Variants in THSD7A observed in about 807,000 individuals in gnomAD.
The protein encoded by THSD7A is thrombospondin type 1 domain containing 7A.
Under a neutral mutation model 231.3 loss-of-function variants are expected in THSD7A, and 96 were observed. The observed-to-expected ratio is 0.41, with a 90% confidence interval of 0.35 to 0.49. The LOEUF is 0.49. Ranked by LOEUF, THSD7A falls within the 20% of genes least tolerant of loss-of-function variation. The pLI is 0.05. For missense variants in THSD7A, 2,290 were observed against 2,070.2 expected, an observed-to-expected ratio of 1.11 and a Z score of -2.06; for synonymous variants, 940 against 743.3, an observed-to-expected ratio of 1.26 and a Z score of -4.30.
intron 1 of THSD7A, among the ~76,000 whole-genome samples, chr7:11,704,926 G>A (rs930592900): frequency 6.6e-6 from 1 of 151,082 alleles, no homozygotes; most frequent in African/African-American, 2.4e-5. Context: ...CCAAAAATAA[G>A]TGTACCATCA....
chr7:11,782,157 C>T (rs1213560158), intron 1 of THSD7A, among the ~76,000 whole-genome samples: 1 of 152,070 alleles, frequency 6.6e-6, no homozygotes, highest in African/African-American at 2.4e-5. Context: ...ATTTATTCAA[C>T]AAGTAGGTAT....
intron 4 of THSD7A, among the ~76,000 whole-genome samples, chr7:11,568,989 A>AT (rs1361117043): frequency 1.3e-5 from 2 of 150,326 alleles, no homozygotes; most frequent in Admixed American, 6.6e-5. Flanking sequence ...ATAGCTACAA[A>AT]AAAAAAAACA....
At chr7:11,823,762 T>C (rs1784941427) in intron 1 of THSD7A, among the ~76,000 whole-genome samples, 1 of 152,060 alleles carries the variant, frequency 6.6e-6, no homozygotes, top group South Asian at 2.1e-4. Flanking sequence ...TAGATCATTA[T>C]TGGTATATAT....
Position 11,800,012 on chromosome 7 carries a change from C to G in THSD7A, c.190+31745G>C, listed in dbSNP as rs189758320. ...TGTTCTTTCTTTGAGATAGGAAAAC[C>G]CTTAAAAGGTGGTTAACTGAACCAG... On this transcript the variant is annotated intron_variant, in intron 1 of 27. Coordinates refer to ENST00000423059, the MANE Select transcript of THSD7A (RefSeq NM_015204.3). Among the ~76,000 whole-genome samples the G allele has an allele frequency of 2.0e-3, 297 of 152,128 alleles. 1 individual carries two copies. The highest frequency in any genetic ancestry group is 7.0e-3 in the African/African-American group (290 of 41,512).
intron 7 of THSD7A, among the ~76,000 whole-genome samples, chr7:11,477,120 A>T (rs575370785): frequency 6.6e-6 from 1 of 152,288 alleles, no homozygotes; most frequent in East Asian, 1.9e-4. Flanking sequence ...AAGTTTGCCA[A>T]CTGTCCCAAA....
intron 1 of THSD7A, chr7:11,820,323 G>C (rs766856505): frequency 1.8e-5 from 14 of 769,380 alleles, no homozygotes; most frequent in Non-Finnish European, 2.6e-5. Flanking sequence ...GACCCTACTC[G>C]GTTGTGGGCT....
At chr7:11,426,622 AAAG>A in intron 15 of THSD7A, 41 bp downstream of exon 15, 1 of 1,521,562 alleles carries the variant, frequency 6.6e-7, no homozygotes, top group Non-Finnish European at 8.8e-7. Context: ...AAATTTAAGA[AAAG>A]AAGGATTCTA....
intron 6 of THSD7A, among the ~76,000 whole-genome samples, chr7:11,537,436 G>A (rs73286898): frequency 0.023 from 3,564 of 152,232 alleles, 130 homozygotes; most frequent in African/African-American, 0.081. Context: ...TCTCCTTGGT[G>A]CTGGCCTTAT....
chr7:11,535,792 C>G (rs998291216), intron 6 of THSD7A, among the ~76,000 whole-genome samples: 1 of 152,110 alleles, frequency 6.6e-6, no homozygotes, highest in East Asian at 1.9e-4. Context: ...TGAAGTTGTG[C>G]TCTCATCTAG....
intron 1 of THSD7A, among the ~76,000 whole-genome samples, chr7:11,819,533 C>T (rs970233875): frequency 2.6e-5 from 4 of 152,154 alleles, no homozygotes; most frequent in Non-Finnish European, 5.9e-5. Context: ...AAAACTTAAA[C>T]ACTTACTGCT....
intron 1 of THSD7A, among the ~76,000 whole-genome samples, chr7:11,737,055 C>G (rs1781941116): frequency 6.6e-6 from 1 of 152,020 alleles, no homozygotes; most frequent in Non-Finnish European, 1.5e-5. Context: ...TGTAAGTTTC[C>G]TGAGGCCTCC....
chr7:11,516,549 G>A (rs1441857217), intron 6 of THSD7A, among the ~76,000 whole-genome samples: 2 of 152,180 alleles, frequency 1.3e-5, no homozygotes, highest in Non-Finnish European at 2.9e-5. Context: ...AGATGACCTT[G>A]TTTGTACAGC....
intron 6 of THSD7A, among the ~76,000 whole-genome samples, chr7:11,529,199 A>G (rs74446891): frequency 0.019 from 2,844 of 152,276 alleles, 36 homozygotes; most frequent in Non-Finnish European, 0.027. Flanking sequence ...TATTAGCTCA[A>G]TGTCAACTCA....
At chr7:11,571,944 T>C (rs572044343) in intron 4 of THSD7A, among the ~76,000 whole-genome samples, 10 of 152,192 alleles carry the variant, frequency 6.6e-5, no homozygotes, top group Non-Finnish European at 1.5e-4. Flanking sequence ...TTGATGTTTT[T>C]TTAACTGAAT....
intron 6 of THSD7A, among the ~76,000 whole-genome samples, chr7:11,540,368 C>T (rs1447165906): frequency 6.6e-6 from 1 of 152,192 alleles, no homozygotes; most frequent in African/African-American, 2.4e-5. Flanking sequence ...GAGTGTCTTT[C>T]TTTACGACTG....
At position 11,389,604 on chromosome 7, in the gene THSD7A, G is replaced by C. The variant is rs1266027682; in HGVS notation, c.4412-6988C>G. ...GCCAGTCTGTGTCTTTTAACTGGGG[G>C]CATTTAGCCCATTTACATTTAAGGT... is the stretch of plus-strand genomic sequence containing the variant. On this transcript the variant is annotated intron_variant, in intron 23 of 27. Transcript: ENST00000423059. 3.3e-5 allele frequency among the ~76,000 whole-genome samples: 5 copies of C among 151,824 alleles called. No homozygotes were observed. The South Asian group carries it at 6.3e-4, about 19-fold the overall frequency.
At chr7:11,580,329 G>T (rs1018785454) in intron 4 of THSD7A, among the ~76,000 whole-genome samples, 6 of 152,066 alleles carry the variant, frequency 3.9e-5, no homozygotes, top group Non-Finnish European at 8.8e-5. Flanking sequence ...TAAGGGTACA[G>T]GTTCGTTATT....
intron 1 of THSD7A, chr7:11,820,885 T>G: frequency 3.4e-6 from 3 of 890,078 alleles, no homozygotes; most frequent in Non-Finnish European, 5.5e-6. Context: ...CTCGAGTGGC[T>G]GGAGTCTCGG....
chr7:11,792,387 T>C (rs537923147), intron 1 of THSD7A, among the ~76,000 whole-genome samples: 5 of 152,128 alleles, frequency 3.3e-5, no homozygotes, highest in East Asian at 3.9e-4. Context: ...CTGCTTTTCA[T>C]GGTACATGAG....
Sources: gnomAD v4.1 joint callset for allele counts (sites outside exome capture counted in the v4.1 genomes callset) on GRCh38, gnomAD v4.1.1 for gene constraint, MANE v1.5 for transcripts, NCBI Gene and HGNC (gene_info 2026-07-23, HGNC 2026-07-21) for gene names.